Variants in FRMD4A observed in about 807,000 individuals in gnomAD.
FRMD4A encodes the protein FERM domain containing 4A, also known as FERM domain-containing protein 4A.
A neutral mutation model predicts 129.1 loss-of-function variants in FRMD4A; 29 were observed. The ratio of observed to expected loss-of-function variants is 0.22; its 90% CI spans 0.17 to 0.31. The LOEUF (loss-of-function observed/expected upper bound fraction) is 0.31, where lower values mean the gene tolerates loss of function less well. FRMD4A is among the 10% of genes least tolerant of loss of function. The pLI, the probability that FRMD4A is intolerant of heterozygous loss-of-function variation, is 1.00. For synonymous variants in FRMD4A, 634 were observed against 571.6 expected (o/e 1.11, Z -1.56); for missense variants, 1,272 against 1,375.8 (o/e 0.92, Z 1.19).
At chr10:13,793,196 G>A (rs2093041508) in intron 5 of FRMD4A, among the ~76,000 whole-genome samples, 1 of 150,076 alleles carries the variant, frequency 6.7e-6, no homozygotes, top group African/African-American at 2.4e-5. Flanking sequence ...TTGTGAGATG[G>A]GGTCTTGCTC....
At chr10:14,288,363 G>A (rs963490317) in intron 2 of FRMD4A, among the ~76,000 whole-genome samples, 1 of 152,052 alleles carries the variant, frequency 6.6e-6, no homozygotes, top group Non-Finnish European at 1.5e-5. Flanking sequence ...AGGAGACAAA[G>A]GTTTGCTCAA....
chr10:13,679,861 C>T (rs2084381195), intron 15 of FRMD4A, among the ~76,000 whole-genome samples: 1 of 152,058 alleles, frequency 6.6e-6, no homozygotes, highest in African/African-American at 2.4e-5. Context: ...GGCCGAGTGC[C>T]CAGTGACACG....
chr10:13,853,320 G>A (rs2094164929), intron 3 of FRMD4A, among the ~76,000 whole-genome samples: 1 of 152,216 alleles, frequency 6.6e-6, no homozygotes, highest in African/African-American at 2.4e-5. Context: ...ACCAAGGCAG[G>A]AGAATCACTT....
intron 15 of FRMD4A, among the ~76,000 whole-genome samples, chr10:13,686,453 C>G (rs1054836297): frequency 6.6e-6 from 1 of 152,140 alleles, no homozygotes; most frequent in African/African-American, 2.4e-5. Flanking sequence ...TTAATAAACT[C>G]CTTAACAATG....
chr10:14,141,753 T>C (rs773143046), intron 2 of FRMD4A, among the ~76,000 whole-genome samples: 3 of 152,156 alleles, frequency 2.0e-5, no homozygotes, highest in Non-Finnish European at 4.4e-5. Flanking sequence ...TCCACTTTCT[T>C]CTCTCCAGCA....
intron 2 of FRMD4A, among the ~76,000 whole-genome samples, chr10:14,068,162 G>T (rs529077411): frequency 6.6e-6 from 1 of 152,298 alleles, no homozygotes; most frequent in African/African-American, 2.4e-5. Flanking sequence ...AGGAATTATG[G>T]ATTATGCTAT....
At chr10:14,294,899 C>T (rs538838808) in intron 2 of FRMD4A, among the ~76,000 whole-genome samples, 1 of 152,212 alleles carries the variant, frequency 6.6e-6, no homozygotes, top group Non-Finnish European at 1.5e-5. Flanking sequence ...TCATTCAGCA[C>T]GTCTCCTTTA....
intron 2 of FRMD4A, among the ~76,000 whole-genome samples, chr10:14,123,358 T>A (rs1393781243): frequency 6.6e-6 from 1 of 152,210 alleles, no homozygotes; most frequent in Non-Finnish European, 1.5e-5. Context: ...CATGCCAGCA[T>A]CTTTGGGTTT....
At chr10:14,022,255 A>T (rs985899511) in intron 2 of FRMD4A, among the ~76,000 whole-genome samples, 1 of 152,188 alleles carries the variant, frequency 6.6e-6, no homozygotes, top group African/African-American at 2.4e-5. Flanking sequence ...AGAGAATTTC[A>T]TTGAGGCTTG....
intron 15 of FRMD4A, among the ~76,000 whole-genome samples, chr10:13,680,882 A>T (rs1197471579): frequency 1.3e-5 from 2 of 150,412 alleles, no homozygotes; most frequent in Non-Finnish European, 3.0e-5. Context: ...CTGCTCTACT[A>T]AAAAAAAATT....
intron 2 of FRMD4A, among the ~76,000 whole-genome samples, chr10:14,140,227 A>T (rs918611167): frequency 6.6e-6 from 1 of 151,958 alleles, no homozygotes. Context: ...ACACCTGGCT[A>T]ATCTTCGTAT....
At chr10:14,038,630 C>A (rs530335023) in intron 2 of FRMD4A, among the ~76,000 whole-genome samples, 10 of 152,318 alleles carry the variant, frequency 6.6e-5, no homozygotes, top group Middle Eastern at 3.4e-3. Flanking sequence ...TACTCACGCT[C>A]AAATCTACCA....
intron 13 of FRMD4A, among the ~76,000 whole-genome samples, chr10:13,702,616 G>A (rs981829809): frequency 6.6e-6 from 1 of 151,962 alleles, no homozygotes; most frequent in Non-Finnish European, 1.5e-5. Flanking sequence ...GGGATTTGGG[G>A]CATTTTACAT....
intron 2 of FRMD4A, among the ~76,000 whole-genome samples, chr10:14,327,964 C>G (rs139415808): frequency 6.6e-6 from 1 of 152,290 alleles, no homozygotes; most frequent in East Asian, 1.9e-4. Flanking sequence ...TTTCTTTCCT[C>G]CTCGGCTTGC....
intron 2 of FRMD4A, among the ~76,000 whole-genome samples, chr10:14,183,289 G>C (rs2131904127): frequency 6.6e-6 from 1 of 152,332 alleles, no homozygotes; most frequent in Non-Finnish European, 1.5e-5. Flanking sequence ...TGGTGTCTTG[G>C]AAAGTTACAC....
At chr10:14,130,104 G>A (rs904262824) in intron 2 of FRMD4A, among the ~76,000 whole-genome samples, 1 of 152,118 alleles carries the variant, frequency 6.6e-6, no homozygotes, top group Non-Finnish European at 1.5e-5. Context: ...CTGAGTCCCT[G>A]GTGATGTTCA....
At chr10:14,143,131 G>A (rs183698696) in intron 2 of FRMD4A, among the ~76,000 whole-genome samples, 1 of 152,304 alleles carries the variant, frequency 6.6e-6, no homozygotes, top group Non-Finnish European at 1.5e-5. Flanking sequence ...TTCCACTTCC[G>A]GGCATGAGCC....
intron 2 of FRMD4A, among the ~76,000 whole-genome samples, chr10:14,225,289 G>A (rs950175861): frequency 1.1e-4 from 17 of 152,050 alleles, no homozygotes; most frequent in Admixed American, 2.0e-4. Flanking sequence ...TCCCAACCCC[G>A]TAGCCAAGAA....
intron 2 of FRMD4A, among the ~76,000 whole-genome samples, chr10:14,066,867 AAT>A (rs1384599570): frequency 1.3e-5 from 2 of 152,218 alleles, no homozygotes; most frequent in East Asian, 3.8e-4. Context: ...CGTTCCGACT[AAT>A]GGAATAGACA....
Sources: allele counts gnomAD v4.1 joint callset (sites outside exome capture counted in the v4.1 genomes callset), GRCh38; gene constraint gnomAD v4.1.1; transcripts MANE v1.5; gene names NCBI Gene and HGNC (gene_info 2026-07-23, HGNC 2026-07-21).